The following LIG3 variants were observed in gnomAD, a reference collection of about 807,000 sequenced individuals.
LIG3 encodes the protein DNA ligase 3, also known as ligase II, DNA, ATP-dependent.
In LIG3, 58 loss-of-function variants were observed where a neutral mutation model predicts 110.9. The ratio of observed to expected loss-of-function variants is 0.52; its 90% CI spans 0.42 to 0.65. The LOEUF is 0.65. Among genes scored for constraint, LIG3 ranks in the 30% least tolerant of loss-of-function variants. The pLI is 0.00. For synonymous variants in LIG3, 422 were observed against 472.8 expected, an observed-to-expected ratio of 0.89 and a Z score of 1.39; for missense variants, 1,094 against 1,273.8, an observed-to-expected ratio of 0.86 and a Z score of 2.15.
intron 19 of LIG3, 110 bp from the exon 20 acceptor site, chr17:35,004,163 G>A: frequency 2.7e-6 from 2 of 741,206 alleles, no homozygotes; most frequent in East Asian, 2.7e-5. Context: ...AAACTTCTCT[G>A]CTTGTGTCCT....
intron 19 of LIG3, 25 bp downstream of exon 19, chr17:35,002,814 C>T (rs1031262350): frequency 2.7e-5 from 42 of 1,579,150 alleles, no homozygotes; most frequent in Non-Finnish European, 3.4e-5. Context: ...AGCAACACAC[C>T]ACGTGGGCCA....
rs909220674 is a variant in LIG3 at position 35,007,476 on chromosome 17, A to T, written c.*2970A>T. 1.5e-4 allele frequency: 23 copies of T among 152,342 alleles called. No homozygotes were observed. Among genetic ancestry groups the T allele is most frequent in the African/African-American group, 5.1e-4 (21 of 41,552 alleles). 9.4% of individuals were successfully genotyped at this position (152,342 alleles called of 1,614,324 possible). A position where few individuals can be genotyped will look rare whatever the true frequency, so the allele number is the denominator to read the frequency against. On this transcript the variant is annotated 3_prime_UTR_variant, in exon 20 of 20. Coordinates refer to ENST00000378526, the MANE Select transcript of LIG3 (RefSeq NM_013975.4). ...GAACCTCTACATGCTGCTGGCTGGC[A>T]TCAAGCAGAGGTCATCACTGGGTGC...
At chr17:34,995,633 C>T (rs931852415) in intron 9 of LIG3, among the ~76,000 whole-genome samples, 2 of 152,170 alleles carry the variant, frequency 1.3e-5, no homozygotes, top group African/African-American at 4.8e-5. Flanking sequence ...TTCCTTGCTG[C>T]ACCTGAGGGA....
intron 8 of LIG3, among the ~76,000 whole-genome samples, chr17:34,993,690 A>G (rs181203676): frequency 2.0e-5 from 3 of 152,334 alleles, no homozygotes; most frequent in African/African-American, 7.2e-5. Flanking sequence ...AATGAAAACA[A>G]TATTTGTCAC....
At chr17:34,990,227 G>C (rs2090703661) in intron 4 of LIG3, among the ~76,000 whole-genome samples, 1 of 152,200 alleles carries the variant, frequency 6.6e-6, no homozygotes, top group African/African-American at 2.4e-5. Context: ...TACTATAGGA[G>C]CATGGGCAGC....
In LIG3 at chr17:35,004,608, T is replaced by A. The variant is rs2090880889; in HGVS notation, c.*102T>A. ...TAGACACAGTATAGGGGGAATGGGC[T>A]TGCTTCTCCCAAACCCACCAGTTCT... On this transcript the variant is annotated 3_prime_UTR_variant, in exon 20 of 20. Transcript: ENST00000378526. The A allele has an allele frequency of 1.1e-6, 1 of 950,864 alleles. No homozygotes were observed. Among genetic ancestry groups the A allele is most frequent in the East Asian group, 2.6e-5 (1 of 39,214 alleles). 58.9% of individuals were successfully genotyped at this position (950,864 alleles called of 1,614,324 possible).
Position 35,002,097 on chromosome 17 carries a change from C to A in LIG3, c.2667C>A (p.Ser889Arg), listed in dbSNP as rs1321207107. Residue 889 changes from serine (S) to arginine (R), a missense_variant, in exon 18 of 20, where the codon AGC becomes AGA. By Grantham distance (110) the Ser-to-Arg change is moderately radical (BLOSUM62 -1). Coordinates refer to ENST00000378526, the MANE Select transcript of LIG3 (RefSeq NM_013975.4). ...KAEGKLSNSN[S>R]KDGNMQTAKP... ...AAGGGAAGCTGAGTAACTCCAACAG[C>A]AAAGATGGTAAGGATAGGGAGGGGG... is the stretch of plus-strand genomic sequence containing the variant. The A allele has an allele frequency of 6.3e-7, 1 of 1,581,124 alleles. No individual in the cohort carries two copies. The highest frequency in any genetic ancestry group is 1.9e-5 in the Admixed American group (1 of 53,014).
chr17:34,989,846 G>A (rs528430910), intron 4 of LIG3, 183 bp downstream of exon 4: 13 of 602,810 alleles, frequency 2.2e-5, no homozygotes, highest in African/African-American at 9.2e-5. Context: ...ATTTTGCACT[G>A]TACTCCACAA....
At chr17:35,009,989 T>C (rs2090925747), downstream of LIG3, 1 of 152,776 alleles carries the variant, frequency 6.5e-6, no homozygotes, top group Non-Finnish European at 1.5e-5. Flanking sequence ...GCAAATCTGA[T>C]TCCCCCAACT....
intron 8 of LIG3, 79 bp downstream of exon 8, chr17:34,992,771 AGT>A (rs2090739174): frequency 7.4e-7 from 1 of 1,346,870 alleles, no homozygotes; most frequent in Non-Finnish European, 9.9e-7. Context: ...ATAGGGTATG[AGT>A]GTTGAGAGCA....
At position 35,003,325 on chromosome 17, in the gene LIG3, G is replaced by T. The variant is rs187302776; in HGVS notation, c.2796+536G>T. 4.0e-5 allele frequency: 20 copies of T among 504,964 alleles called. No homozygotes were observed. The Admixed American group carries it at 6.0e-4, about 15-fold the overall frequency. 31.3% of individuals were successfully genotyped at this position (504,964 alleles called of 1,614,324 possible). A position where few individuals can be genotyped will look rare whatever the true frequency, so the allele number is the denominator to read the frequency against. ...GCAATTCTTTTTTTTTTTGAGATAA[G>T]TCTCGCTCTGTTGCCTAGGCTGGAG... On this transcript the variant is annotated intron_variant, in intron 19 of 19. Transcript: ENST00000378526.
intron 5 of LIG3, chr17:34,991,340 C>G (rs762524471): frequency 3.5e-6 from 2 of 578,544 alleles, no homozygotes; most frequent in Non-Finnish European, 6.0e-6. Context: ...CCACAAAGGC[C>G]TGGTTCTCAA....
chr17:34,982,144 C>T (rs1425804543), intron 1 of LIG3, among the ~76,000 whole-genome samples: 3 of 152,148 alleles, frequency 2.0e-5, no homozygotes, highest in Admixed American at 2.0e-4. Flanking sequence ...GGTAAGAAAC[C>T]CATCAAGGTT....
At chr17:35,004,208 T>G in intron 19 of LIG3, 65 bp from the exon 20 acceptor site, 1 of 1,217,184 alleles carries the variant, frequency 8.2e-7, no homozygotes, top group South Asian at 1.3e-5. Context: ...CCGTGCTCAT[T>G]TGGGTGAAGA....
At chr17:34,984,503 G>C (rs559170420) in intron 2 of LIG3, among the ~76,000 whole-genome samples, 1 of 152,158 alleles carries the variant, frequency 6.6e-6, no homozygotes, top group South Asian at 2.1e-4. Flanking sequence ...ATAGCAAGAT[G>C]CTTTTAGTCT....
In LIG3 at chr17:34,998,155, A is replaced by AC. The variant is rs769609458; in HGVS notation, c.1912-59dup. The AC allele has an allele frequency of 2.4e-6, 3 of 1,229,694 alleles. No individual in the cohort carries two copies. The East Asian group carries it at 7.0e-5, about 29-fold the overall frequency. 76.2% of individuals were successfully genotyped at this position (1,229,694 alleles called of 1,614,324 possible). A position where few individuals can be genotyped will look rare whatever the true frequency, so the allele number is the denominator to read the frequency against. ...CTTAACTAGTGTGTGAAAAGGAACA[A>AC]CCCCCACTCACTCACCACCTTCTCC... On this transcript the variant is annotated intron_variant, in intron 12 of 19. Coordinates refer to ENST00000378526, the MANE Select transcript of LIG3 (RefSeq NM_013975.4).
intron 19 of LIG3, 184 bp downstream of exon 19, chr17:35,002,973 A>G (rs773190817): frequency 8.7e-6 from 14 of 1,613,976 alleles, no homozygotes; most frequent in East Asian, 4.5e-5. Flanking sequence ...TGCTCACCCT[A>G]TGTCCTCTTG....
chr17:34,983,701 T>C (rs1597789054), intron 2 of LIG3, 149 bp downstream of exon 2: 1 of 812,810 alleles, frequency 1.2e-6, no homozygotes, highest in Non-Finnish European at 1.9e-6. Context: ...TAATGTTGCA[T>C]TCGTAGCTCA....
chr17:34,986,141 G>A lies in LIG3; in HGVS notation c.691+10G>A, dbSNP rs765291648. 1.1e-5 allele frequency: 18 copies of A among 1,613,548 alleles called. No homozygotes were observed. Among genetic ancestry groups the A allele is most frequent in the Non-Finnish European group, 1.5e-5 (18 of 1,179,642 alleles). On this transcript the variant is annotated intron_variant, in intron 3 of 19. Transcript: ENST00000378526. Reference sequence around the variant, plus strand: ...TTTTCTGGCTTTTCAGGTAAGATAGGTTAGGGCTACTTTAGCTGTTATAGT... The same window carrying A: ...TTTTCTGGCTTTTCAGGTAAGATAGATTAGGGCTACTTTAGCTGTTATAGT...
Sources: gnomAD v4.1 joint callset for allele counts (sites outside exome capture counted in the v4.1 genomes callset) on GRCh38, gnomAD v4.1.1 for gene constraint, MANE v1.5 for transcripts, NCBI Gene and HGNC (gene_info 2026-07-23, HGNC 2026-07-21) for gene names.